The following ABHD17C variants were observed in gnomAD, a reference collection of about 807,000 sequenced individuals.
ABHD17C encodes alpha/beta hydrolase domain-containing protein 17C.
In ABHD17C, 11 loss-of-function variants were observed where a neutral mutation model predicts 27.9. The ratio of observed to expected loss-of-function variants is 0.39; its 90% CI spans 0.25 to 0.65. The LOEUF (loss-of-function observed/expected upper bound fraction) is 0.65, where lower values mean the gene tolerates loss of function less well. Ranked by LOEUF, ABHD17C falls within the 30% of genes least tolerant of loss-of-function variation. ABHD17C has a pLI of 0.45. For synonymous variants in ABHD17C, 233 were observed against 209.1 expected, an observed-to-expected ratio of 1.11 and a Z score of -0.98; for missense variants, 280 against 470.2, an observed-to-expected ratio of 0.60 and a Z score of 3.74.
intron 1 of ABHD17C, among the ~76,000 whole-genome samples, chr15:80,734,745 G>A (rs1337237324): frequency 6.6e-6 from 1 of 152,076 alleles, no homozygotes; most frequent in African/African-American, 2.4e-5. Context: ...TGACACAGAG[G>A]GCCCTTCCTT....
At chr15:80,710,924 G>T (rs185347056) in intron 1 of ABHD17C, among the ~76,000 whole-genome samples, 1 of 152,184 alleles carries the variant, frequency 6.6e-6, no homozygotes. Context: ...GCTCAGGATT[G>T]TGGGGCAGGG....
intron 1 of ABHD17C, among the ~76,000 whole-genome samples, chr15:80,713,107 A>G (rs1014079269): frequency 7.3e-5 from 11 of 151,464 alleles, no homozygotes; most frequent in Non-Finnish European, 1.3e-4. Context: ...TTAAGGAAAA[A>G]TGTACATGCA....
chr15:80,743,789 G>T (rs922910200), intron 1 of ABHD17C, among the ~76,000 whole-genome samples: 5 of 152,094 alleles, frequency 3.3e-5, no homozygotes, highest in Admixed American at 6.5e-5. Context: ...GTTTCACTTT[G>T]TTGTCCAGGC....
rs574325593 is a variant in ABHD17C, at chr15:80,750,821, A to G, written c.770+1129A>G. Among the ~76,000 whole-genome samples the G allele has an allele frequency of 1.8e-4, 27 of 152,156 alleles. No homozygotes were observed. In the South Asian group the frequency reaches 1.9e-3, roughly 11 times the overall value. ...GAGAGGCCAGTTTGCTGAAAGACGGATACTTAGCATGTTTGTGGGAAGCAA... is the reference window on the plus strand; with the variant it reads ...GAGAGGCCAGTTTGCTGAAAGACGGGTACTTAGCATGTTTGTGGGAAGCAA... On this transcript the variant is annotated intron_variant, in intron 2 of 2. Transcript: ENST00000258884.
At chr15:80,743,025 A>C (rs1895231519) in intron 1 of ABHD17C, among the ~76,000 whole-genome samples, 1 of 151,904 alleles carries the variant, frequency 6.6e-6, no homozygotes, top group African/African-American at 2.4e-5. Context: ...GGGGAAATGG[A>C]GGTAAGAGAT....
At chr15:80,741,500 G>GTT (rs60325235) in intron 1 of ABHD17C, among the ~76,000 whole-genome samples, 1 of 146,044 alleles carries the variant, frequency 6.8e-6, no homozygotes, top group Admixed American at 7.3e-5. Context: ...AATTAGCACA[G>GTT]TTTTTTTTTC....
chr15:80,737,102 A>G (rs1895141768), intron 1 of ABHD17C, among the ~76,000 whole-genome samples: 1 of 152,166 alleles, frequency 6.6e-6, no homozygotes, highest in African/African-American at 2.4e-5. Flanking sequence ...ATAGCCTGTG[A>G]CTGCAAAAGG....
In ABHD17C at chr15:80,696,025, C is replaced by G. The variant is rs746701655; in HGVS notation, c.590+6C>G. ...TGGCAGGCGCTGCGCACCCGGTGAG[C>G]CTGCCGGGGTCGCCAGGCCTGACTT... On this transcript the variant is annotated splice_donor_region_variant and intron_variant, in intron 1 of 2. Coordinates refer to ENST00000258884, the MANE Select transcript of ABHD17C (RefSeq NM_021214.2). The G allele has an allele frequency of 6.4e-7, 1 of 1,558,818 alleles. No individual in the cohort carries two copies.
At chr15:80,713,900 C>CCACACACACACACA (rs58311304) in intron 1 of ABHD17C, among the ~76,000 whole-genome samples, 105 of 141,142 alleles carry the variant, frequency 7.4e-4, no homozygotes, top group African/African-American at 1.1e-3. Context: ...CATATACAGA[C>CCACACACACACACA]CACACACACA....
At chr15:80,738,564 A>T (rs543751846) in intron 1 of ABHD17C, among the ~76,000 whole-genome samples, 2 of 152,338 alleles carry the variant, frequency 1.3e-5, no homozygotes, top group South Asian at 4.1e-4. Flanking sequence ...ATGGGTCTGT[A>T]AAACATCTCA....
intron 1 of ABHD17C, among the ~76,000 whole-genome samples, chr15:80,698,223 T>C (rs1476027838): frequency 3.3e-5 from 5 of 151,772 alleles, no homozygotes; most frequent in Non-Finnish European, 5.9e-5. Context: ...CGCCACCGCG[T>C]CCGGCTAATT....
chr15:80,740,708 C>T (rs1895197634), intron 1 of ABHD17C, among the ~76,000 whole-genome samples: 1 of 152,164 alleles, frequency 6.6e-6, no homozygotes, highest in African/African-American at 2.4e-5. Flanking sequence ...TCCAGTCCTT[C>T]TACATAAGTC....
chr15:80,733,106 A>G (rs1895078959), intron 1 of ABHD17C, among the ~76,000 whole-genome samples: 1 of 152,156 alleles, frequency 6.6e-6, no homozygotes, highest in African/African-American at 2.4e-5. Flanking sequence ...TACAGGTGCA[A>G]GGCAGAGCTG....
intron 1 of ABHD17C, among the ~76,000 whole-genome samples, chr15:80,723,138 A>ATGTGTGTGTGTGTGTGTGTGTGTG (rs57751486): frequency 1.6e-5 from 2 of 124,936 alleles, no homozygotes; most frequent in Non-Finnish European, 3.1e-5. Flanking sequence ...GTGTGTATAT[A>ATGTGTGTGTGTGTGTGTGTGTGTG]TGTGTGTGTG....
intron 1 of ABHD17C, among the ~76,000 whole-genome samples, chr15:80,726,549 T>G (rs1348922640): frequency 7.7e-6 from 1 of 130,456 alleles, no homozygotes; most frequent in African/African-American, 3.1e-5. Flanking sequence ...CCTTGCTCTG[T>G]CGCCTAGGCT....
chr15:80,729,306 T>G (rs1039904761), intron 1 of ABHD17C, among the ~76,000 whole-genome samples: 3 of 152,214 alleles, frequency 2.0e-5, no homozygotes, highest in Admixed American at 2.0e-4. Context: ...ATACTCATTT[T>G]ATTTACATAA....
chr15:80,745,014 G>A lies in ABHD17C; in HGVS notation c.591-4499G>A, dbSNP rs545709471. Among the ~76,000 whole-genome samples, 4 of 152,290 alleles carry A rather than the reference G, an allele frequency of 2.6e-5. No individual in the cohort carries two copies. The South Asian group carries it at 6.2e-4, about 24-fold the overall frequency. On this transcript the variant is annotated intron_variant, in intron 1 of 2. Coordinates refer to ENST00000258884, the MANE Select transcript of ABHD17C (RefSeq NM_021214.2). ...GAGTTGTCACAGTTTTGTGAGGGCT[G>A]TCTCCATATCTGAAGTATCTGGTGA... is the stretch of plus-strand genomic sequence containing the variant.
chr15:80,705,953 C>T (rs544248951), intron 1 of ABHD17C, among the ~76,000 whole-genome samples: 15 of 152,296 alleles, frequency 9.8e-5, no homozygotes, highest in African/African-American at 3.6e-4. Context: ...TGGTTTGCCC[C>T]TCCACTTTGC....
intron 1 of ABHD17C, among the ~76,000 whole-genome samples, chr15:80,722,598 T>C (rs963636100): frequency 8.5e-5 from 13 of 152,048 alleles, no homozygotes; most frequent in African/African-American, 3.1e-4. Context: ...ATCTTCCCTG[T>C]TGGTTAATTT....
Sources: gnomAD v4.1 joint callset for allele counts (sites outside exome capture counted in the v4.1 genomes callset) on GRCh38, gnomAD v4.1.1 for gene constraint, MANE v1.5 for transcripts, NCBI Gene and HGNC (gene_info 2026-07-23, HGNC 2026-07-21) for gene names.